The following TRPM6 variants were observed in gnomAD, a reference collection of about 807,000 sequenced individuals.
TRPM6 encodes channel kinase 2.
A neutral mutation model predicts 247.6 loss-of-function variants in TRPM6; 111 were observed. The ratio of observed to expected loss-of-function variants is 0.45; its 90% CI spans 0.38 to 0.52. TRPM6 has a LOEUF of 0.52. Among genes scored for constraint, TRPM6 ranks in the 20% least tolerant of loss-of-function variants. TRPM6 has a pLI of 0.00. For missense variants in TRPM6, 2,126 were observed against 2,421.5 expected (o/e 0.88, Z 2.56); for synonymous variants, 892 against 853.8 (o/e 1.04, Z -0.78).
chr9:74,808,318 C>T, intron 13 of TRPM6, 144 bp from the exon 14 acceptor site: 1 of 1,019,856 alleles, frequency 9.8e-7, no homozygotes, highest in Non-Finnish European at 1.5e-6. Context: ...ATTTAAGTGA[C>T]CAGCCATTGA....
intron 36 of TRPM6, among the ~76,000 whole-genome samples, chr9:74,734,718 C>T (rs1164075036): frequency 6.6e-6 from 1 of 152,132 alleles, no homozygotes; most frequent in African/African-American, 2.4e-5. Context: ...TTCCTTATCA[C>T]TAGTAAAATC....
chr9:74,737,091 A>G (rs1825720653), intron 36 of TRPM6, among the ~76,000 whole-genome samples: 1 of 152,338 alleles, frequency 6.6e-6, no homozygotes, highest in African/African-American at 2.4e-5. Flanking sequence ...TGCCTTGGGC[A>G]TCAATGCTCT....
intron 1 of TRPM6, among the ~76,000 whole-genome samples, chr9:74,863,460 A>AT (rs1830749602): frequency 6.6e-6 from 1 of 152,136 alleles, no homozygotes; most frequent in Non-Finnish European, 1.5e-5. Context: ...CACATTTCAG[A>AT]TTTTCAGAGT....
intron 3 of TRPM6, among the ~76,000 whole-genome samples, chr9:74,853,938 G>C (rs1805234216): frequency 6.6e-6 from 1 of 152,052 alleles, no homozygotes. Context: ...GATAAATAAA[G>C]TATAGGAAAC....
At chr9:74,819,982 T>C (rs1033770381) in intron 9 of TRPM6, among the ~76,000 whole-genome samples, 1 of 152,116 alleles carries the variant, frequency 6.6e-6, no homozygotes, top group Non-Finnish European at 1.5e-5. Context: ...ACATTTTTTA[T>C]TTTTTATTAT....
At chr9:74,850,474 C>A (rs146084025) in intron 3 of TRPM6, among the ~76,000 whole-genome samples, 1 of 152,078 alleles carries the variant, frequency 6.6e-6, no homozygotes, top group Non-Finnish European at 1.5e-5. Context: ...ATTCCCACCA[C>A]TTTGGGAGGC....
chr9:74,833,773 CAAAG>C (rs1429429780), intron 6 of TRPM6, among the ~76,000 whole-genome samples: 1 of 152,108 alleles, frequency 6.6e-6, no homozygotes, highest in African/African-American at 2.4e-5. Context: ...GAGTGTGAGA[CAAAG>C]AGATCATTCC....
chr9:74,851,083 G>C (rs1225977258), intron 3 of TRPM6, among the ~76,000 whole-genome samples: 1 of 149,384 alleles, frequency 6.7e-6, no homozygotes, highest in Admixed American at 6.9e-5. Flanking sequence ...TTATCTATTT[G>C]ATTTGAGTTG....
intron 7 of TRPM6, among the ~76,000 whole-genome samples, chr9:74,823,238 G>A (rs1330186353): frequency 6.6e-6 from 1 of 152,066 alleles, no homozygotes; most frequent in African/African-American, 2.4e-5. Context: ...ACATCTACAG[G>A]GTCAAGGGTC....
intron 1 of TRPM6, among the ~76,000 whole-genome samples, chr9:74,869,730 G>A (rs2118450996): frequency 6.6e-6 from 1 of 152,094 alleles, no homozygotes; most frequent in Non-Finnish European, 1.5e-5. Context: ...TAGACTAAGG[G>A]AGAAGTCAAC....
chr9:74,772,251 A>G (rs1329826050), intron 24 of TRPM6, among the ~76,000 whole-genome samples: 1 of 152,202 alleles, frequency 6.6e-6, no homozygotes, highest in Non-Finnish European at 1.5e-5. Flanking sequence ...ACACTCCAGC[A>G]TGGGCTAAAA....
Position 74,829,035 on chromosome 9 carries a change from G to C in TRPM6, c.670-1086C>G, listed in dbSNP as rs531369060. 3.3e-5 allele frequency among the ~76,000 whole-genome samples: 5 copies of C among 152,300 alleles called. No homozygotes were observed. In the South Asian group the frequency reaches 1.0e-3, roughly 32 times the overall value. On this transcript the variant is annotated intron_variant, in intron 6 of 38. Transcript: ENST00000360774. ...CAGCTGGCCAGGAGCGGTTATGCCT[G>C]TAATACCAGCACTTTAGGAGGCCGA...
Position 74,762,093 on chromosome 9 carries a change from C to G in TRPM6, c.4578G>C (p.Trp1526Cys), listed in dbSNP as rs763252054. 6 of 1,614,174 alleles carry G rather than the reference C, an allele frequency of 3.7e-6. No homozygotes were observed. Among genetic ancestry groups the G allele is most frequent in the Middle Eastern group, 3.3e-4 (2 of 6,062 alleles). Residue 1526 changes from tryptophan to cysteine, a missense_variant, in exon 26 of 39, where the codon TGG becomes TGC. Around this residue, in one of 3 missense-constraint regions of TRPM6, gnomAD observed 717 missense variants for 715.9 expected, o/e 1.00. Transcript: ENST00000360774. Reference sequence around the variant, plus strand: ...GCCTGTATCTGCGGAGAGGATTGATCCAAAAGGATGTGTTTGGCTGAAGCC... The same window carrying G: ...GCCTGTATCTGCGGAGAGGATTGATGCAAAAGGATGTGTTTGGCTGAAGCC... ...GPWLQPNTSFWINPLRRYRPF... is the reference protein window; with the variant it reads ...GPWLQPNTSFCINPLRRYRPF...
In TRPM6 at chr9:74,739,679, T is replaced by C. The variant is rs780973783; in HGVS notation, c.5487+44A>G. 6.8e-6 allele frequency: 11 copies of C among 1,606,004 alleles called. No individual in the cohort carries two copies. In the Admixed American group the frequency reaches 1.3e-4, roughly 19 times the overall value. On this transcript the variant is annotated intron_variant, in intron 34 of 38. Coordinates refer to ENST00000360774, the MANE Select transcript of TRPM6 (RefSeq NM_017662.5). The stretch of plus-strand genomic sequence containing the variant: ...AGGATGTAGCCAGATCTCTTTTCTT[T>C]GACTTGTCCCTCTGGGCTATGGGTC...
At chr9:74,769,581 AC>A (rs1352997136) in intron 25 of TRPM6, among the ~76,000 whole-genome samples, 6 of 148,414 alleles carry the variant, frequency 4.0e-5, no homozygotes, top group Admixed American at 6.8e-5. Context: ...ACACGGTGAA[AC>A]CCCGTCTCTA....
At chr9:74,772,362 T>G (rs1276098829) in intron 24 of TRPM6, among the ~76,000 whole-genome samples, 1 of 152,242 alleles carries the variant, frequency 6.6e-6, no homozygotes, top group Non-Finnish European at 1.5e-5. Context: ...TATATAGAAT[T>G]CTTTCTCTTC....
intron 1 of TRPM6, chr9:74,887,549 C>T (rs1587617195): frequency 1.4e-6 from 2 of 1,417,098 alleles, no homozygotes; most frequent in South Asian, 2.5e-5. Flanking sequence ...TAGGTTTCCG[C>T]TCTGACACCA....
At chr9:74,756,937 T>C (rs115324521) in intron 27 of TRPM6, among the ~76,000 whole-genome samples, 3,979 of 151,258 alleles carry the variant, frequency 0.026, 170 homozygotes, top group African/African-American at 0.089. Flanking sequence ...GTGGTTCACA[T>C]CTGTAATCTC....
At chr9:74,800,078 A>G (rs756268092) in intron 17 of TRPM6, 176 bp downstream of exon 17, 6 of 651,192 alleles carry the variant, frequency 9.2e-6, no homozygotes, top group Non-Finnish European at 1.4e-5. Flanking sequence ...AGGAAGACCA[A>G]TCTTCTGTCA....
Sources: allele counts gnomAD v4.1 joint callset (sites outside exome capture counted in the v4.1 genomes callset), GRCh38; gene constraint gnomAD v4.1.1; regional missense constraint gnomAD v4.1.1; transcripts MANE v1.5; gene names NCBI Gene and HGNC (gene_info 2026-07-23, HGNC 2026-07-21).